Variants in SPRY3 observed in about 807,000 individuals in gnomAD.
The protein encoded by SPRY3 is sprouty RTK signaling antagonist 3.
SPRY3 carries 15 observed loss-of-function variants against 20.2 expected under a neutral mutation model. The observed-to-expected ratio is 0.74, with a 90% CI of 0.50 to 1.14. The LOEUF (loss-of-function observed/expected upper bound fraction) is 1.14. SPRY3 is among the 50% of genes most tolerant of loss of function. The pLI is 0.00. For synonymous variants in SPRY3, 143 were observed against 136.5 expected (o/e 1.05, Z -0.33); for missense variants, 364 against 363.9 (o/e 1.00, Z 0.00).
At chrX:155,640,518 G>A (rs1345009505) in intron 1 of SPRY3, among the ~76,000 whole-genome samples, 50 of 111,621 alleles carry the variant, frequency 4.5e-4, no homozygotes, top group Non-Finnish European at 3.8e-5. Context: ...ATTGCTTTGG[G>A]TAGTATGAAC....
intron 2 of SPRY3, among the ~76,000 whole-genome samples, chrX:155,740,923 G>A (rs1478676293): frequency 1.3e-5 from 2 of 152,046 alleles, no homozygotes; most frequent in African/African-American, 4.8e-5. Context: ...TCACCCCGGA[G>A]GCCCAGCTGT....
At chrX:155,641,543 T>G (rs1419648903) in intron 1 of SPRY3, among the ~76,000 whole-genome samples, 2 of 115,080 alleles carry the variant, frequency 1.7e-5, no homozygotes, top group Non-Finnish European at 3.7e-5. Context: ...GTGGAAGGGG[T>G]CCTGGGCCGG....
intron 3 of SPRY3, among the ~76,000 whole-genome samples, chrX:155,768,481 A>G (rs997853404): frequency 6.6e-5 from 10 of 152,140 alleles, no homozygotes; most frequent in African/African-American, 2.4e-4. Context: ...TAACCACCCA[A>G]GCTGAGGACA....
At chrX:155,696,320 C>T (rs1199322018) in intron 2 of SPRY3, among the ~76,000 whole-genome samples, 5 of 107,961 alleles carry the variant, frequency 4.6e-5, no homozygotes, top group East Asian at 5.8e-4. Context: ...ATAATTGGTC[C>T]GTACAGCACT....
At chrX:155,686,343 A>C (rs1162576273) in intron 2 of SPRY3, among the ~76,000 whole-genome samples, 1 of 111,428 alleles carries the variant, frequency 9.0e-6, no homozygotes, top group Non-Finnish European at 1.9e-5. Flanking sequence ...GAACATTTTG[A>C]ATATTACATT....
chrX:155,617,061 G>C (rs1557348967), intron 1 of SPRY3, among the ~76,000 whole-genome samples: 1 of 106,004 alleles, frequency 9.4e-6, no homozygotes, highest in Non-Finnish European at 1.9e-5. Flanking sequence ...TGGTTCCCTT[G>C]TGCATTTATA....
chrX:155,750,846 A>G (rs972137344), intron 2 of SPRY3, among the ~76,000 whole-genome samples: 6 of 151,958 alleles, frequency 3.9e-5, no homozygotes, highest in African/African-American at 1.4e-4. Flanking sequence ...CCTAACATTA[A>G]ATGAATACCA....
At chrX:155,760,463 G>A (rs2091299711) in intron 2 of SPRY3, among the ~76,000 whole-genome samples, 1 of 152,144 alleles carries the variant, frequency 6.6e-6, no homozygotes, top group African/African-American at 2.4e-5. Context: ...TTCTTAACCA[G>A]GTTTCAGGTG....
intron 3 of SPRY3, among the ~76,000 whole-genome samples, chrX:155,768,454 C>G (rs754874608): frequency 6.6e-6 from 1 of 152,184 alleles, no homozygotes; most frequent in African/African-American, 2.4e-5. Flanking sequence ...CTTGCCTAAA[C>G]CCCTCAAAAC....
intron 2 of SPRY3, among the ~76,000 whole-genome samples, chrX:155,762,129 A>C (rs779777177): frequency 8.5e-4 from 130 of 152,230 alleles, no homozygotes; most frequent in African/African-American, 3.0e-3. Context: ...TATCTTCCCT[A>C]TTTATGGTAT....
chrX:155,643,831 C>T (rs1348025236), intron 1 of SPRY3, among the ~76,000 whole-genome samples: 1 of 111,570 alleles, frequency 9.0e-6, no homozygotes, highest in East Asian at 2.8e-4. Context: ...TTCCTTATAC[C>T]TTTAAAAGTT....
At chrX:155,777,899 T>C (rs2091439522), downstream of SPRY3, 2 of 166,702 alleles carry the variant, frequency 1.2e-5, no homozygotes, top group Non-Finnish European at 2.9e-5. Context: ...CCAAGAGTTT[T>C]CCTGTGGTTC....
intron 2 of SPRY3, among the ~76,000 whole-genome samples, chrX:155,662,910 A>G (rs927306264): frequency 4.5e-5 from 5 of 111,630 alleles, no homozygotes; most frequent in Non-Finnish European, 9.4e-5. Flanking sequence ...AAAGCTCTGG[A>G]TAGAAGTGGC....
At position 155,755,393 on chromosome X, in the gene SPRY3, C is replaced by T. The variant is rs1157673052; in HGVS notation, c.-281-12569C>T. Among the ~76,000 whole-genome samples, 3 of 151,998 alleles carry T rather than the reference C, an allele frequency of 2.0e-5. No homozygotes were observed. In the East Asian group the frequency reaches 5.8e-4, roughly 29 times the overall value. ...AGAAGGCATACAATAGACATTAACCCTAATGTAGAGAAGTAGTGTGGCATG... is the reference window on the plus strand; with the variant it reads ...AGAAGGCATACAATAGACATTAACCTTAATGTAGAGAAGTAGTGTGGCATG... On this transcript the variant is annotated intron_variant, in intron 2 of 3. Coordinates refer to ENST00000675360, the Ensembl canonical transcript of SPRY3.
intron 2 of SPRY3, among the ~76,000 whole-genome samples, chrX:155,741,303 A>C (rs1186078396): frequency 6.6e-6 from 1 of 152,218 alleles, no homozygotes; most frequent in Non-Finnish European, 1.5e-5. Flanking sequence ...AGAAAAGAGA[A>C]AAAAGAATGA....
intron 3 of SPRY3, among the ~76,000 whole-genome samples, chrX:155,769,083 T>C (rs1175807914): frequency 2.0e-5 from 3 of 152,248 alleles, no homozygotes; most frequent in Non-Finnish European, 4.4e-5. Flanking sequence ...AGGCACAGGC[T>C]AGCCGTTTAT....
At chrX:155,756,790 A>C (rs2091285069) in intron 2 of SPRY3, among the ~76,000 whole-genome samples, 1 of 152,182 alleles carries the variant, frequency 6.6e-6, no homozygotes, top group African/African-American at 2.4e-5. Context: ...ATTTAGATAC[A>C]TACACACACA....
At chrX:155,742,098 C>T (rs1049505795) in intron 2 of SPRY3, among the ~76,000 whole-genome samples, 20 of 152,100 alleles carry the variant, frequency 1.3e-4, no homozygotes, top group Admixed American at 1.3e-4. Context: ...CTTCAAGAGA[C>T]CCATCTCATG....
chrX:155,637,976 GTT>G lies in SPRY3; in HGVS notation c.-440-18877_-440-18876del, dbSNP rs35263576. 1.1e-3 allele frequency among the ~76,000 whole-genome samples: 104 copies of G among 94,277 alleles called. 1 individual carries two copies. The highest frequency in any genetic ancestry group is 7.8e-3 in the East Asian group (23 of 2,949). The allele number at this position is 94,277 out of a possible 115,157, so 81.9% of individuals were successfully genotyped here. On this transcript the variant is annotated intron_variant, in intron 1 of 3. Coordinates refer to ENST00000675360, the Ensembl canonical transcript of SPRY3. ...GGAAGTGTTAGTAATTCTCAGGGTT[GTT>G]TTTTTTTTTTTTTAATTTAGCCATT...
Sources: gnomAD v4.1 joint callset for allele counts (sites outside exome capture counted in the v4.1 genomes callset) on GRCh38, gnomAD v4.1.1 for gene constraint, MANE v1.5 for transcripts, NCBI Gene and HGNC (gene_info 2026-07-23, HGNC 2026-07-21) for gene names.